The following RASA3 variants were observed in gnomAD, a reference collection of about 807,000 sequenced individuals.
RASA3 encodes RAS p21 protein activator 3, also known as ras GTPase-activating protein 3.
RASA3 carries 73 observed loss-of-function variants against 110.0 expected under a neutral mutation model. The ratio of observed to expected loss-of-function variants is 0.66; its 90% confidence interval spans 0.55 to 0.81. The LOEUF (loss-of-function observed/expected upper bound fraction) is 0.81, where lower values mean the gene tolerates loss of function less well. Among genes scored for constraint, RASA3 ranks in the 30% least tolerant of loss-of-function variants. The pLI, the probability that RASA3 is intolerant of heterozygous loss-of-function variation, is 0.00. For missense variants in RASA3, 976 were observed against 1,113.2 expected (o/e 0.88, Z 1.75); for synonymous variants, 500 against 451.4 (o/e 1.11, Z -1.37).
At chr13:114,028,659 A>G (rs1309468500) in intron 5 of RASA3, among the ~76,000 whole-genome samples, 1 of 135,566 alleles carries the variant, frequency 7.4e-6, no homozygotes, top group Admixed American at 7.3e-5. Flanking sequence ...TCCTGGGGCC[A>G]GGACCTCTAA....
At position 113,979,231 on chromosome 13, in the gene RASA3, C is replaced by G; in HGVS notation, c.*116G>C. On this transcript the variant is annotated 3_prime_UTR_variant, in exon 24 of 24. Transcript: ENST00000334062. ...ACCCCAGCGCCACTTGTCTATGGGC[C>G]GGGACGGCGTGCATCTCACTTTGCC... is the stretch of plus-strand genomic sequence containing the variant. The G allele has an allele frequency of 9.7e-7, 1 of 1,026,952 alleles. No individual in the cohort carries two copies. Among genetic ancestry groups the G allele is most frequent in the Non-Finnish European group, 1.5e-6 (1 of 667,880 alleles). The allele number at this position is 1,026,952 out of a possible 1,614,324, so 63.6% of individuals were successfully genotyped here.
intron 9 of RASA3, among the ~76,000 whole-genome samples, chr13:114,019,797 G>T: frequency 6.9e-6 from 1 of 145,796 alleles, no homozygotes; most frequent in South Asian, 2.3e-4. Flanking sequence ...CCCCTCAGGT[G>T]GGTGGAGCCT....
At chr13:114,077,615 C>A (rs1413122002) in intron 1 of RASA3, among the ~76,000 whole-genome samples, 1 of 147,106 alleles carries the variant, frequency 6.8e-6, no homozygotes, top group Non-Finnish European at 1.5e-5. Context: ...CCCGACAATG[C>A]CCAGTCCCCC....
rs2079940698 is a variant in RASA3, at chr13:114,096,122, T to C, written c.56-22285A>G. 6.6e-6 allele frequency among the ~76,000 whole-genome samples: 1 copy of C among 151,060 alleles called. No homozygotes were observed. The highest frequency in any genetic ancestry group is 2.0e-4 in the East Asian group (1 of 5,112). ...CGGCATCGGTGTGCTGGGAAGGGGG[T>C]GCTCTCTGGGTGGCCTGGGTGGCAT... On this transcript the variant is annotated intron_variant, in intron 1 of 23. Coordinates refer to ENST00000334062, the MANE Select transcript of RASA3 (RefSeq NM_007368.4). This position sits in a 1 kb window ranked among gnomAD's most constrained non-coding sequence, Gnocchi z 5.1.
chr13:113,989,179 C>T (rs1236253464), intron 22 of RASA3, among the ~76,000 whole-genome samples: 1 of 145,512 alleles, frequency 6.9e-6, no homozygotes, highest in Non-Finnish European at 1.5e-5. Context: ...ATCACTCACC[C>T]TGTCCTCCAC....
rs889450278 is a variant in RASA3, at chr13:114,096,963, C to G, written c.56-23126G>C. Reference sequence around the variant, plus strand: ...CCCTCCTCTGTGTCTCAATCCTTCCCGTGCACCAGGCCACTCTGAGTCTGC... The same window carrying G: ...CCCTCCTCTGTGTCTCAATCCTTCCGGTGCACCAGGCCACTCTGAGTCTGC... On this transcript the variant is annotated intron_variant, in intron 1 of 23. Coordinates refer to ENST00000334062, the MANE Select transcript of RASA3 (RefSeq NM_007368.4). The surrounding 1 kb of genome is among the most constrained non-coding windows in gnomAD (Gnocchi z 5.1). 7.2e-5 allele frequency among the ~76,000 whole-genome samples: 11 copies of G among 152,186 alleles called. No individual in the cohort carries two copies. The highest frequency in any genetic ancestry group is 2.7e-4 in the African/African-American group (11 of 41,432).
At position 114,027,459 on chromosome 13, in the gene RASA3, GATCTGTT is replaced by G. The variant is rs2054047373; in HGVS notation, c.531-5_532del. On this transcript the variant is annotated splice_acceptor_variant and splice_polypyrimidine_tract_variant and coding_sequence_variant and intron_variant, in exon 7 of 24. Transcript: ENST00000334062. LOFTEE classifies it high-confidence loss of function. ...CTTCACTTTCGTCTTCTTTGCTTCT[GATCTGTT>G]ATCAAGTGAGAAAGGATTGGGATTA... The G allele has an allele frequency of 5.6e-6, 9 of 1,609,464 alleles. No homozygotes were observed. Among genetic ancestry groups the G allele is most frequent in the Non-Finnish European group, 6.0e-6 (7 of 1,176,008 alleles).
intron 4 of RASA3, among the ~76,000 whole-genome samples, chr13:114,036,854 A>G (rs909978014): frequency 6.6e-6 from 1 of 152,230 alleles, no homozygotes; most frequent in African/African-American, 2.4e-5. Context: ...GAGGTTTTAA[A>G]GGTTGGCTGG....
intron 18 of RASA3, among the ~76,000 whole-genome samples, chr13:114,004,775 C>A (rs1322698364): frequency 1.3e-5 from 2 of 152,206 alleles, no homozygotes; most frequent in Non-Finnish European, 2.9e-5. Flanking sequence ...AATCCCACAC[C>A]AGGCCCCACC....
chr13:114,038,850 G>C (rs971420638), intron 4 of RASA3, among the ~76,000 whole-genome samples: 1 of 152,184 alleles, frequency 6.6e-6, no homozygotes. Context: ...CTGAACTTGC[G>C]GGCACAGAGC....
At chr13:114,010,555 A>G (rs964870349) in intron 16 of RASA3, among the ~76,000 whole-genome samples, 32 of 150,018 alleles carry the variant, frequency 2.1e-4, no homozygotes, top group Admixed American at 4.0e-4. Context: ...GGAGGTTCAT[A>G]TCCACAGGGA....
chr13:114,021,839 G>A (rs1008904924), intron 8 of RASA3, among the ~76,000 whole-genome samples: 1 of 151,786 alleles, frequency 6.6e-6, no homozygotes, highest in African/African-American at 2.4e-5. Flanking sequence ...TCTTACATAG[G>A]AGGGAGCCTG....
At chr13:113,993,657 A>T (rs1232364425) in intron 21 of RASA3, among the ~76,000 whole-genome samples, 1 of 151,566 alleles carries the variant, frequency 6.6e-6, no homozygotes, top group African/African-American at 2.4e-5. Flanking sequence ...AAAATACAAA[A>T]ATTAGCCAGG....
chr13:114,038,289 G>A (rs777799835), intron 4 of RASA3, among the ~76,000 whole-genome samples: 14 of 152,230 alleles, frequency 9.2e-5, no homozygotes, highest in Non-Finnish European at 1.6e-4. Flanking sequence ...CCCGTCTCCC[G>A]GGCAGCACGT....
chr13:114,010,653 G>C (rs1297231176), intron 16 of RASA3, among the ~76,000 whole-genome samples: 1 of 110,634 alleles, frequency 9.0e-6, no homozygotes, highest in Non-Finnish European at 1.8e-5. Flanking sequence ...GCGCCACGTG[G>C]GGAGGAGGCG....
intron 18 of RASA3, among the ~76,000 whole-genome samples, chr13:114,001,811 AC>A (rs931428583): frequency 6.6e-6 from 1 of 152,220 alleles, no homozygotes; most frequent in African/African-American, 2.4e-5. Context: ...CGCCCACAAA[AC>A]CCACACCTGT....
intron 1 of RASA3, among the ~76,000 whole-genome samples, chr13:114,080,462 A>G (rs1449711595): frequency 6.6e-6 from 1 of 152,084 alleles, no homozygotes; most frequent in Non-Finnish European, 1.5e-5. Flanking sequence ...AGCTCCCTCC[A>G]GTCTCCACGG....
At chr13:114,049,032 G>A (rs1391081821) in intron 3 of RASA3, among the ~76,000 whole-genome samples, 1 of 84,452 alleles carries the variant, frequency 1.2e-5, no homozygotes, top group Non-Finnish European at 2.4e-5. Flanking sequence ...CCACACCCCC[G>A]ACCCCATAGG....
At position 114,087,777 on chromosome 13, in the gene RASA3, C is replaced by T. The variant is rs538357724; in HGVS notation, c.56-13940G>A. On this transcript the variant is annotated intron_variant, in intron 1 of 23. Transcript: ENST00000334062. ...AACTTATCAGAGGGCCTTGGAGGGC[C>T]GGAGGCAGCAACACACACAGCCTGA... 2.6e-5 allele frequency among the ~76,000 whole-genome samples: 4 copies of T among 152,354 alleles called. No homozygotes were observed. In the South Asian group the frequency reaches 6.2e-4, roughly 24 times the overall value.
Sources: gnomAD v4.1 joint callset for allele counts (sites outside exome capture counted in the v4.1 genomes callset) on GRCh38, gnomAD v4.1.1 for gene constraint, Gnocchi (gnomAD v3.1) non-coding constraint, MANE v1.5 for transcripts, NCBI Gene and HGNC (gene_info 2026-07-23, HGNC 2026-07-21) for gene names.